DNAJC9: variants seen among roughly 807,000 people sequenced by gnomAD.
The protein encoded by DNAJC9 is dnaJ homolog subfamily C member 9.
A neutral mutation model predicts 32.4 loss-of-function variants in DNAJC9; 18 were observed. The ratio of observed to expected loss-of-function variants is 0.56; its 90% CI spans 0.38 to 0.82. The LOEUF (loss-of-function observed/expected upper bound fraction) is 0.82. Among genes scored for constraint, DNAJC9 ranks in the 40% least tolerant of loss-of-function variants. The pLI is 0.00. For missense variants in DNAJC9, 310 were observed against 321.8 expected, an observed-to-expected ratio of 0.96 and a Z score of 0.28; for synonymous variants, 113 against 122.1, an observed-to-expected ratio of 0.93 and a Z score of 0.49.
downstream of DNAJC9, chr10:73,239,533 T>A (rs2043896194): frequency 1.7e-6 from 1 of 602,340 alleles, no homozygotes; most frequent in Non-Finnish European, 2.8e-6. Context: ...TAAAATTCAT[T>A]TTGGAACATG....
rs1342720422 is a variant in DNAJC9, at chr10:73,243,108, T to C, written c.*292A>G. On this transcript the variant is annotated 3_prime_UTR_variant, in exon 5 of 5. Coordinates refer to ENST00000372950, the MANE Select transcript of DNAJC9 (RefSeq NM_015190.5). ...CCACATCCTAGATAAGAGTTCTGTG[T>C]ACAGAAGATCCATGGAGGCAAGTGC... The C allele has an allele frequency of 8.1e-6, 3 of 369,264 alleles. No homozygotes were observed. The highest frequency in any genetic ancestry group is 1.5e-5 in the Non-Finnish European group (3 of 198,154). The allele number at this position is 369,264 out of a possible 1,614,324, so 22.9% of individuals were successfully genotyped here.
downstream of DNAJC9, among the ~76,000 whole-genome samples, chr10:73,233,897 C>G (rs1030043552): frequency 6.6e-6 from 1 of 152,132 alleles, no homozygotes; most frequent in Non-Finnish European, 1.5e-5. Context: ...ACAATGAAAA[C>G]TTCATAAACC....
At chr10:73,241,652 C>G (rs1340159382), downstream of DNAJC9, 2 of 152,312 alleles carry the variant, frequency 1.3e-5, no homozygotes, top group Non-Finnish European at 2.9e-5. Flanking sequence ...CTCAACCTTA[C>G]GATGCCTACC....
At chr10:73,243,979 A>C (rs2043980932) in intron 3 of DNAJC9, 50 bp from the exon 4 acceptor site, 1 of 1,460,124 alleles carries the variant, frequency 6.8e-7, no homozygotes, top group Non-Finnish European at 9.5e-7. Context: ...AATGCTTAAA[A>C]TACATACTCT....
At chr10:73,243,592 G>C in intron 4 of DNAJC9, 73 bp from the exon 5 acceptor site, 1 of 1,581,926 alleles carries the variant, frequency 6.3e-7, no homozygotes, top group Non-Finnish European at 8.6e-7. Flanking sequence ...GTTGCCAGGG[G>C]CTGGAAAAGT....
chr10:73,240,505 T>C (rs533933154), downstream of DNAJC9, among the ~76,000 whole-genome samples: 3 of 152,122 alleles, frequency 2.0e-5, no homozygotes, highest in South Asian at 2.1e-4. Context: ...GAGGTCAGCA[T>C]ATTGAGACCA....
intron 3 of DNAJC9, chr10:73,244,194 G>C: frequency 2.4e-6 from 1 of 425,070 alleles, no homozygotes; most frequent in Non-Finnish European, 4.2e-6. Flanking sequence ...TAAATCACAT[G>C]ATGATAAAAA....
downstream of DNAJC9, chr10:73,239,397 C>T (rs2043894112): frequency 1.3e-6 from 2 of 1,548,418 alleles, no homozygotes; most frequent in Non-Finnish European, 1.7e-6. Context: ...AAAGGTGGGG[C>T]CATGGCCCTT....
chr10:73,241,165 CA>C, downstream of DNAJC9: 1 of 636,564 alleles, frequency 1.6e-6, no homozygotes, highest in Non-Finnish European at 2.9e-6. Context: ...GACCGAAGAA[CA>C]AAACACCATA....
Position 73,243,818 on chromosome 10 carries a change from T to C in DNAJC9, c.663+25A>G, listed in dbSNP as rs746354880. On this transcript the variant is annotated intron_variant, in intron 4 of 4. Transcript: ENST00000372950. Reference sequence around the variant, plus strand: ...GCAGTAGGAATCAGATCATTAAAGATGTGGCAACAAACTGCCAAGTTTACC... The same window carrying C: ...GCAGTAGGAATCAGATCATTAAAGACGTGGCAACAAACTGCCAAGTTTACC... 8.2e-6 allele frequency: 13 copies of C among 1,585,062 alleles called. No homozygotes were observed. The East Asian group carries it at 2.7e-4, about 33-fold the overall frequency.
At chr10:73,233,077 A>T (rs1273094760) in intron 2 of DNAJC9, 1 of 1,551,700 alleles carries the variant, frequency 6.4e-7, no homozygotes, top group South Asian at 1.2e-5. Context: ...GCAATCCACC[A>T]CCACGAACTC....
downstream of DNAJC9, among the ~76,000 whole-genome samples, chr10:73,236,722 TTTC>T (rs1162128903): frequency 1.3e-5 from 2 of 148,246 alleles, no homozygotes; most frequent in East Asian, 4.3e-4. Context: ...TTTTTTTTCT[TTTC>T]TTTTTTTTTT....
rs1192179971 is a variant in DNAJC9 at position 73,242,114 on chromosome 10, A to G, written c.*1286T>C. 3 of 152,222 alleles carry G rather than the reference A, an allele frequency of 2.0e-5. No individual in the cohort carries two copies. The highest frequency in any genetic ancestry group is 7.2e-5 in the African/African-American group (3 of 41,462). The allele number at this position is 152,222 out of a possible 1,614,324, so 9.4% of individuals were successfully genotyped here. The stretch of plus-strand genomic sequence containing the variant: ...AAGGTGTTCTAATGCCATCATATGA[A>G]GACAGATGCTTCAAACAACCTGCAT... On this transcript the variant is annotated 3_prime_UTR_variant, in exon 5 of 5. Transcript: ENST00000372950.
rs2043962860 is a variant in DNAJC9, at chr10:73,242,216, C to G, written c.*1184G>C. The G allele has an allele frequency of 6.6e-6, 1 of 152,090 alleles. No individual in the cohort carries two copies. The highest frequency in any genetic ancestry group is 2.4e-5 in the African/African-American group (1 of 41,408). The allele number at this position is 152,090 out of a possible 1,614,324, so 9.4% of individuals were successfully genotyped here. On this transcript the variant is annotated 3_prime_UTR_variant, in exon 5 of 5. Coordinates refer to ENST00000372950, the MANE Select transcript of DNAJC9 (RefSeq NM_015190.5). ...ACAAACCGAAAACGTGTCGTCTTTA[C>G]CTTAGAGCTAAAGGCTTACTTTATG... is the stretch of plus-strand genomic sequence containing the variant.
In DNAJC9 at chr10:73,243,485, T is replaced by A. The variant is rs775044935; in HGVS notation, c.698A>T (p.Asn233Ile). ...RQKDRQKEMD[N>I]FLAQMEAKYC... is the part of the protein sequence containing the mutation. ...CTTTGCTTCCATCTGAGCCAGAAAA[T>A]TGTCCATTTCCTTTTGCCGATCCTT... The change falls in exon 5 of 5, where the codon AAT (asparagine) becomes ATT (isoleucine). Residue 233 changes from asparagine (N) to isoleucine (I), a missense_variant. Physicochemically the swap from Asn to Ile is moderately radical, Grantham distance 149 (BLOSUM62 -3). Coordinates refer to ENST00000372950, the MANE Select transcript of DNAJC9 (RefSeq NM_015190.5). 1.2e-6 allele frequency: 2 copies of A among 1,614,158 alleles called. No homozygotes were observed. The highest frequency in any genetic ancestry group is 8.5e-7 in the Non-Finnish European group (1 of 1,180,028).
In DNAJC9 at chr10:73,243,404, T is replaced by G; in HGVS notation, c.779A>C (p.Lys260Thr). ...CCTTTGAAGAGAAAAATTCCATTATTTCTTTTCTTTCTTGAGAGCAGATTT... is the reference window on the plus strand; with the variant it reads ...CCTTTGAAGAGAAAAATTCCATTATGTCTTTTCTTTCTTGAGAGCAGATTT... ...GKKSALKKEK[K>T] Residue 260 changes from lysine (K) to threonine (T), a missense_variant, in exon 5 of 5, where the codon AAA becomes ACA. Lys to Thr is a moderately conservative substitution (Grantham distance 78). Coordinates refer to ENST00000372950, the MANE Select transcript of DNAJC9 (RefSeq NM_015190.5). 6.2e-7 allele frequency: 1 copy of G among 1,613,806 alleles called. No homozygotes were observed.
At position 73,233,380 on chromosome 10, in the gene DNAJC9, G is replaced by A. The variant is rs756322069; in HGVS notation, n.147+10463C>T. ...TTTTAGATACAGTCTCACTCCTGTC[G>A]CCCAGGCTGGAGTGCAGTGGATGAT... On this transcript the variant is annotated intron_variant and non_coding_transcript_variant, in intron 2 of 2. Transcript: ENST00000469143. 5.4e-4 allele frequency among the ~76,000 whole-genome samples: 82 copies of A among 151,898 alleles called. 1 individual carries two copies. The highest frequency in any genetic ancestry group is 1.3e-4 in the Non-Finnish European group (9 of 68,006).
rs1024185229 is a variant in DNAJC9 at position 73,243,176 on chromosome 10, C to T, written c.*224G>A. 3 of 501,352 alleles carry T rather than the reference C, an allele frequency of 6.0e-6. No individual in the cohort carries two copies. The highest frequency in any genetic ancestry group is 7.0e-5 in the Admixed American group (2 of 28,536). 31.1% of individuals were successfully genotyped at this position (501,352 alleles called of 1,614,324 possible). On this transcript the variant is annotated 3_prime_UTR_variant, in exon 5 of 5. Transcript: ENST00000372950. ...CCTCCCTCCACCCTCCCAAATGTCA[C>T]CACCAAGTTCCTTCAGGTGAGACCT...
downstream of DNAJC9, among the ~76,000 whole-genome samples, chr10:73,239,978 G>T (rs146776318): frequency 1.3e-5 from 2 of 152,330 alleles, no homozygotes; most frequent in African/African-American, 4.8e-5. Context: ...AGGCCAGAAT[G>T]CAGTGGCATG....
Sources: allele counts gnomAD v4.1 joint callset (sites outside exome capture counted in the v4.1 genomes callset), GRCh38; gene constraint gnomAD v4.1.1; transcripts MANE v1.5; gene names NCBI Gene and HGNC (gene_info 2026-07-23, HGNC 2026-07-21).